Variants in MTMR1 observed in about 807,000 individuals in gnomAD.
MTMR1 encodes the protein myotubularin related protein 1.
MTMR1 carries 17 observed loss-of-function variants against 51.6 expected under a neutral mutation model. The ratio of observed to expected loss-of-function variants is 0.33; its 90% CI spans 0.23 to 0.49. The LOEUF is 0.49. Ranked by LOEUF, MTMR1 falls within the 20% of genes least tolerant of loss-of-function variation. The pLI, the probability that MTMR1 is intolerant of heterozygous loss-of-function variation, is 0.99. For synonymous variants in MTMR1, 201 were observed against 205.6 expected, an observed-to-expected ratio of 0.98 and a Z score of 0.19; for missense variants, 386 against 526.9, an observed-to-expected ratio of 0.73 and a Z score of 2.62.
chrX:150,723,125 A>G (rs1294717305), intron 4 of MTMR1, among the ~76,000 whole-genome samples: 1 of 108,345 alleles, frequency 9.2e-6, no homozygotes, highest in Non-Finnish European at 1.9e-5. Context: ...TCCTTGTGAT[A>G]GTTTACTGAG....
intron 1 of MTMR1, among the ~76,000 whole-genome samples, chrX:150,698,674 GCGCGCGCACA>G (rs1217011602): frequency 0.058 from 3,553 of 61,157 alleles, 76 homozygotes; most frequent in Middle Eastern, 0.12. Flanking sequence ...CTGTCTACAC[GCGCGCGCACA>G]CACACACACA....
chrX:150,740,855 G>T (rs1486061395), intron 12 of MTMR1, among the ~76,000 whole-genome samples: 1 of 110,323 alleles, frequency 9.1e-6, no homozygotes, highest in African/African-American at 3.3e-5. Flanking sequence ...GCAAGAGAGA[G>T]GGGAGAGGGT....
chrX:150,732,757 C>T (rs2042155751), intron 10 of MTMR1, 27 bp downstream of exon 10: 14 of 1,132,893 alleles, frequency 1.2e-5, no homozygotes, highest in Non-Finnish European at 1.5e-5. Context: ...ACTGCAGAAA[C>T]ACTGGATATT....
chrX:150,739,606 A>T (rs1411063131), intron 12 of MTMR1, among the ~76,000 whole-genome samples: 3 of 112,168 alleles, frequency 2.7e-5, no homozygotes, highest in Non-Finnish European at 5.6e-5. Flanking sequence ...GACTGAGCAG[A>T]GGTACATGCA....
At chrX:150,746,721 C>T (rs374162054) in intron 13 of MTMR1, among the ~76,000 whole-genome samples, 24 of 111,987 alleles carry the variant, frequency 2.1e-4, no homozygotes, top group East Asian at 2.0e-3. Flanking sequence ...CATTTTTGTG[C>T]TTTTATTGGA....
Position 150,763,448 on chromosome X carries a change from G to GGGGATGGCACCAAGCGGCCA in MTMR1, c.*720_*739dup, listed in dbSNP as rs2043202975. The GGGGATGGCACCAAGCGGCCA allele has an allele frequency of 8.9e-6, 1 of 112,628 alleles. No individual in the cohort carries two copies. The highest frequency in any genetic ancestry group is 3.2e-5 in the African/African-American group (1 of 30,966). The allele number at this position is 112,628 out of a possible 1,213,427, so 9.3% of individuals were successfully genotyped here. Reference sequence around the variant, plus strand: ...TCTTGGGGCGGCTCAGCCCATTCATGGGGATGGCACCAAGCGGCCATGCTC... The same window carrying GGGGATGGCACCAAGCGGCCA: ...TCTTGGGGCGGCTCAGCCCATTCATGGGGATGGCACCAAGCGGCCAGGGATGGCACCAAGCGGCCATGCTC... On this transcript the variant is annotated 3_prime_UTR_variant, in exon 16 of 16. Coordinates refer to ENST00000445323, the MANE Select transcript of MTMR1 (RefSeq NM_001306144.3).
At chrX:150,707,392 A>G (rs1418481892) in intron 2 of MTMR1, among the ~76,000 whole-genome samples, 1 of 112,536 alleles carries the variant, frequency 8.9e-6, no homozygotes, top group Non-Finnish European at 1.9e-5. Context: ...CGACAGTAAA[A>G]ACATCAAACC....
chrX:150,716,376 T>A (rs1224843284), intron 3 of MTMR1, among the ~76,000 whole-genome samples: 1 of 112,728 alleles, frequency 8.9e-6, no homozygotes, highest in Non-Finnish European at 1.9e-5. Flanking sequence ...AAACCAGACA[T>A]TTATAAGTAT....
chrX:150,719,383 G>T (rs1252255388), intron 4 of MTMR1, among the ~76,000 whole-genome samples: 1 of 112,120 alleles, frequency 8.9e-6, no homozygotes, highest in Non-Finnish European at 1.9e-5. Context: ...CTTGTGCCAA[G>T]AATATTTGAG....
chrX:150,714,987 T>G (rs939846991), intron 3 of MTMR1, among the ~76,000 whole-genome samples: 4 of 112,216 alleles, frequency 3.6e-5, no homozygotes, highest in Non-Finnish European at 7.5e-5. Context: ...TCATAGAGTA[T>G]TCTTGAGTGC....
chrX:150,718,339 A>AT (rs1557416465), intron 3 of MTMR1, among the ~76,000 whole-genome samples: 1 of 112,080 alleles, frequency 8.9e-6, no homozygotes, highest in Non-Finnish European at 1.9e-5. Context: ...CTGTGTAGTG[A>AT]TTACAGTATC....
At chrX:150,717,609 A>G (rs782042143) in intron 3 of MTMR1, among the ~76,000 whole-genome samples, 3 of 110,076 alleles carry the variant, frequency 2.7e-5, no homozygotes, top group South Asian at 7.8e-4. Context: ...AGCGTCTCAC[A>G]GGGTGGCGGT....
At chrX:150,741,942 C>G (rs781875102) in intron 12 of MTMR1, among the ~76,000 whole-genome samples, 7 of 112,502 alleles carry the variant, frequency 6.2e-5, no homozygotes, top group Admixed American at 4.7e-4. Flanking sequence ...CTGACAATTC[C>G]GCTGATGGGT....
intron 3 of MTMR1, 80 bp from the exon 4 acceptor site, chrX:150,718,545 C>A: frequency 9.5e-7 from 1 of 1,051,337 alleles, no homozygotes; most frequent in Non-Finnish European, 1.2e-6. Context: ...AAATTCTTCA[C>A]AGGTATACGG....
intron 2 of MTMR1, among the ~76,000 whole-genome samples, chrX:150,701,130 T>G (rs2040891104): frequency 8.9e-6 from 1 of 112,647 alleles, no homozygotes; most frequent in Non-Finnish European, 1.9e-5. Context: ...TTGTTATATT[T>G]GCCCTGCAGC....
rs1421878082 is a variant in MTMR1 at position 150,760,517 on chromosome X, C to T, written c.1858-2048C>T. Among the ~76,000 whole-genome samples the T allele has an allele frequency of 3.6e-5, 4 of 112,263 alleles. No homozygotes were observed. In the East Asian group the frequency reaches 1.1e-3, roughly 31 times the overall value. ...CCTTATGTCTTGTGATGCTAGTACC[C>T]ATGCGGCAAACATGACTGGCCCTTA... is the stretch of plus-strand genomic sequence containing the variant. On this transcript the variant is annotated intron_variant, in intron 15 of 15. Coordinates refer to ENST00000445323, the MANE Select transcript of MTMR1 (RefSeq NM_001306144.3).
chrX:150,716,964 G>A (rs1557416409), intron 3 of MTMR1, among the ~76,000 whole-genome samples: 1 of 111,929 alleles, frequency 8.9e-6, no homozygotes, highest in East Asian at 2.8e-4. Context: ...GTTAACAGGT[G>A]GAAAAAGCAG....
intron 14 of MTMR1, among the ~76,000 whole-genome samples, chrX:150,754,400 T>G (rs2148668794): frequency 8.8e-6 from 1 of 113,054 alleles, no homozygotes; most frequent in South Asian, 3.6e-4. Context: ...AGATAGCTCA[T>G]GGGAAGTCAG....
intron 12 of MTMR1, among the ~76,000 whole-genome samples, chrX:150,744,063 G>A (rs1557417383): frequency 3.6e-5 from 4 of 112,562 alleles, no homozygotes; most frequent in African/African-American, 1.3e-4. Context: ...TGTGGTGGCT[G>A]GTCTTGACCC....
Sources: gnomAD v4.1 joint callset for allele counts (sites outside exome capture counted in the v4.1 genomes callset) on GRCh38, gnomAD v4.1.1 for gene constraint, MANE v1.5 for transcripts, NCBI Gene and HGNC (gene_info 2026-07-23, HGNC 2026-07-21) for gene names.